Variants in MAGI1 observed in about 807,000 individuals in gnomAD.
MAGI1 encodes the protein membrane-associated guanylate kinase, WW and PDZ domain-containing protein 1.
MAGI1 carries 58 observed loss-of-function variants against 139.9 expected under a neutral mutation model. The observed-to-expected ratio is 0.41, with a 90% confidence interval of 0.34 to 0.52. MAGI1 has a LOEUF of 0.52. MAGI1 is among the 20% of genes least tolerant of loss of function. MAGI1 has a pLI of 0.12. For missense variants in MAGI1, 1,874 were observed against 1,901.6 expected (o/e 0.99, Z 0.27); for synonymous variants, 812 against 737.9 (o/e 1.10, Z -1.63).
intron 2 of MAGI1, among the ~76,000 whole-genome samples, chr3:65,554,995 A>T (rs2037671): frequency 0.41 from 62,629 of 152,032 alleles, 13,927 homozygotes; most frequent in East Asian, 0.64. Context: ...TAGTACATGG[A>T]TTAGTTAATA....
At chr3:65,902,499 G>C (rs2061272409) in intron 1 of MAGI1, 1 of 152,556 alleles carries the variant, frequency 6.6e-6, no homozygotes, top group Non-Finnish European at 1.5e-5. Context: ...GCTCCTACAA[G>C]TCATTCATTC....
intron 1 of MAGI1, among the ~76,000 whole-genome samples, chr3:65,995,312 G>C (rs1312071359): frequency 6.6e-6 from 1 of 152,202 alleles, no homozygotes; most frequent in Non-Finnish European, 1.5e-5. Context: ...CTGTCCAGAG[G>C]AGTTCAGCAA....
chr3:66,027,314 A>G (rs1227856716), intron 1 of MAGI1, among the ~76,000 whole-genome samples: 6 of 139,736 alleles, frequency 4.3e-5, no homozygotes, highest in Admixed American at 7.4e-5. Flanking sequence ...ATAAATAAAT[A>G]ATAAAAAAAG....
At chr3:65,821,864 C>A (rs1014396264) in intron 1 of MAGI1, among the ~76,000 whole-genome samples, 1 of 152,156 alleles carries the variant, frequency 6.6e-6, no homozygotes, top group Non-Finnish European at 1.5e-5. Flanking sequence ...GCAACTCAAA[C>A]CCTAACAAGG....
At chr3:65,760,247 T>C (rs1202565278) in intron 1 of MAGI1, among the ~76,000 whole-genome samples, 1 of 151,978 alleles carries the variant, frequency 6.6e-6, no homozygotes, top group Non-Finnish European at 1.5e-5. Flanking sequence ...GTCTGCTGAT[T>C]AATAATTGTT....
intron 1 of MAGI1, among the ~76,000 whole-genome samples, chr3:65,916,816 C>T (rs2061931497): frequency 2.0e-5 from 3 of 151,968 alleles, no homozygotes; most frequent in Admixed American, 2.0e-4. Flanking sequence ...CACACACACA[C>T]CCTGCCACTA....
intron 12 of MAGI1, among the ~76,000 whole-genome samples, chr3:65,419,982 C>T (rs1174988841): frequency 2.6e-5 from 4 of 152,076 alleles, no homozygotes; most frequent in African/African-American, 7.2e-5. Flanking sequence ...TTAGGTGTCC[C>T]AAGTCCCCCA....
In MAGI1 at chr3:65,429,877, C is replaced by A; in HGVS notation, c.1810G>T (p.Gly604Cys). ...SHSSKTGKVN[G>C]MKDARPSSPA... is the part of the protein sequence containing the mutation. Reference sequence around the variant, plus strand: ...CTGCTTGGCCTGGCATCCTTCATGCCATTGACTTTGCCTGTTTTACTACTG... The same window carrying A: ...CTGCTTGGCCTGGCATCCTTCATGCAATTGACTTTGCCTGTTTTACTACTG... The change falls in exon 12 of 23, where the codon GGC (glycine) becomes TGC (cysteine). Residue 604 changes from glycine (G) to cysteine (C), a missense_variant. Gly to Cys is a radical substitution (Grantham distance 159). Transcript: ENST00000402939. The A allele has an allele frequency of 6.2e-7, 1 of 1,614,040 alleles. No individual in the cohort carries two copies. The highest frequency in any genetic ancestry group is 8.5e-7 in the Non-Finnish European group (1 of 1,179,976).
At chr3:65,787,269 C>T (rs1160886494) in intron 1 of MAGI1, among the ~76,000 whole-genome samples, 2 of 151,836 alleles carry the variant, frequency 1.3e-5, no homozygotes, top group African/African-American at 4.8e-5. Context: ...GACACAGGGC[C>T]CGGTCATCTT....
intron 1 of MAGI1, among the ~76,000 whole-genome samples, chr3:66,005,272 G>C (rs916762396): frequency 2.6e-5 from 4 of 152,116 alleles, no homozygotes; most frequent in African/African-American, 9.7e-5. Flanking sequence ...CCAGCAGGCT[G>C]CTTTTGGGCC....
chr3:65,740,535 G>A (rs1228125708), intron 1 of MAGI1, among the ~76,000 whole-genome samples: 1 of 152,188 alleles, frequency 6.6e-6, no homozygotes, highest in African/African-American at 2.4e-5. Context: ...GCAGTGATAA[G>A]GGTGTCTGGC....
At chr3:65,985,990 C>G (rs766473350) in intron 1 of MAGI1, among the ~76,000 whole-genome samples, 6 of 152,178 alleles carry the variant, frequency 3.9e-5, no homozygotes, top group Non-Finnish European at 7.3e-5. Context: ...GACGTCTTCC[C>G]TAGTTGATAG....
intron 1 of MAGI1, among the ~76,000 whole-genome samples, chr3:65,948,003 AC>A (rs1249456122): frequency 7.5e-6 from 1 of 132,636 alleles, no homozygotes; most frequent in African/African-American, 2.9e-5. Flanking sequence ...GTGCACTGGT[AC>A]GATCTTGGCT....
At chr3:65,449,342 T>C (rs1948879015) in intron 6 of MAGI1, among the ~76,000 whole-genome samples, 1 of 152,202 alleles carries the variant, frequency 6.6e-6, no homozygotes, top group African/African-American at 2.4e-5. Context: ...AAGGAGAATC[T>C]AATTTACACA....
chr3:65,490,473 A>C (rs1450394341), intron 3 of MAGI1, among the ~76,000 whole-genome samples: 1 of 152,172 alleles, frequency 6.6e-6, no homozygotes, highest in African/African-American at 2.4e-5. Context: ...ATGAGGGTAT[A>C]TGGCATTTAA....
intron 5 of MAGI1, chr3:65,469,685 A>G (rs1470860170): frequency 3.3e-5 from 5 of 151,930 alleles, no homozygotes; most frequent in Admixed American, 2.0e-4. Context: ...TAGCTACTAC[A>G]GCAAAAGCAC....
At chr3:65,554,675 T>A (rs2080002791) in intron 2 of MAGI1, among the ~76,000 whole-genome samples, 1 of 152,200 alleles carries the variant, frequency 6.6e-6, no homozygotes, top group Non-Finnish European at 1.5e-5. Flanking sequence ...GTCTCATACC[T>A]ACATCAAACC....
chr3:65,765,518 C>G (rs1304723648), intron 1 of MAGI1, among the ~76,000 whole-genome samples: 1 of 152,146 alleles, frequency 6.6e-6, no homozygotes, highest in Non-Finnish European at 1.5e-5. Context: ...AGTCATTTAT[C>G]CAAAGTCGTT....
chr3:65,839,025 C>T (rs1029419758), intron 1 of MAGI1, among the ~76,000 whole-genome samples: 4 of 152,042 alleles, frequency 2.6e-5, no homozygotes, highest in African/African-American at 9.7e-5. Context: ...TGTCTTTTGC[C>T]CATTTTATAA....
Sources: allele counts gnomAD v4.1 joint callset (sites outside exome capture counted in the v4.1 genomes callset), GRCh38; gene constraint gnomAD v4.1.1; transcripts MANE v1.5; gene names NCBI Gene and HGNC (gene_info 2026-07-23, HGNC 2026-07-21).